CRYBG2: variants seen among roughly 807,000 people sequenced by gnomAD.
The protein encoded by CRYBG2 is beta/gamma crystallin domain-containing protein 2.
A neutral mutation model predicts 153.4 loss-of-function variants in CRYBG2; 106 were observed. The observed-to-expected ratio is 0.69, with a 90% CI of 0.59 to 0.81. CRYBG2 has a LOEUF of 0.81. CRYBG2 is among the 30% of genes least tolerant of loss of function. The pLI, the probability that CRYBG2 is intolerant of heterozygous loss-of-function variation, is 0.00. For synonymous variants in CRYBG2, 851 were observed against 877.8 expected, an observed-to-expected ratio of 0.97 and a Z score of 0.54; for missense variants, 1,996 against 2,112.0, an observed-to-expected ratio of 0.95 and a Z score of 1.08.
chr1:26,337,611 TG>T lies in CRYBG2; in HGVS notation c.3570del (p.Tyr1190Ter). On this transcript the variant is annotated frameshift_variant, in exon 9 of 20. Coordinates refer to ENST00000308182, the MANE Select transcript of CRYBG2 (RefSeq NM_001039775.4). LOFTEE classifies it high-confidence loss of function. ...TGGCTGTCCTCTGGCTGCTGAAGGT[TG>T]TAGATGTCTCGGCTCACTTCCCAGC... ...GRSWEVSRDI[Y>X]NLQQPEDSQS... 6.2e-7 allele frequency: 1 copy of T among 1,613,000 alleles called. No individual in the cohort carries two copies. Among genetic ancestry groups the T allele is most frequent in the Non-Finnish European group, 8.5e-7 (1 of 1,179,934 alleles).
chr1:26,328,837 C>T lies in CRYBG2; in HGVS notation c.4351G>A (p.Glu1451Lys), dbSNP rs758928498. 65 of 1,613,924 alleles carry T rather than the reference C, an allele frequency of 4.0e-5. No individual in the cohort carries two copies. The highest frequency in any genetic ancestry group is 2.5e-4 in the East Asian group (11 of 44,870). ...SEPSIFLYGL[E>K]CFEGKEIELS... ...TCGATCTCCTTCCCCTCGAAGCACT[C>T]GAGTCCATACAGGAAAATGGAAGGC... The change falls in exon 16 of 20, where the codon GAG (glutamate) becomes AAG (lysine). Residue 1451 changes from glutamate to lysine, a missense_variant. Coordinates refer to ENST00000308182, the MANE Select transcript of CRYBG2 (RefSeq NM_001039775.4).
intron 10 of CRYBG2, 126 bp from the exon 11 acceptor site, chr1:26,337,106 A>T (rs1005457987): frequency 6.4e-7 from 1 of 1,553,270 alleles, no homozygotes; most frequent in Admixed American, 1.8e-5. Flanking sequence ...CCTGGAGAAG[A>T]GCAGCAGGGG....
Position 26,345,807 on chromosome 1 carries a change from T to C in CRYBG2, c.851A>G (p.Glu284Gly). The change falls in exon 2 of 20, where the codon GAG (glutamate) becomes GGG (glycine). Residue 284 changes from glutamate to glycine, a missense_variant. Coordinates refer to ENST00000308182, the MANE Select transcript of CRYBG2 (RefSeq NM_001039775.4). ...GGCCAGGGCAGAGCTGTCTTTAAGC[T>C]CTGCTGTCCCGGTCTCAGGCAGCTG... ...LRQLPETGTAELKDSSALAST... is the reference protein window; with the variant it reads ...LRQLPETGTAGLKDSSALAST... 6.3e-7 allele frequency: 1 copy of C among 1,596,642 alleles called. No homozygotes were observed. Among genetic ancestry groups the C allele is most frequent in the Non-Finnish European group, 8.5e-7 (1 of 1,179,090 alleles).
At chr1:26,326,620 TA>T in intron 17 of CRYBG2, 1 of 217,292 alleles carries the variant, frequency 4.6e-6, no homozygotes, top group Non-Finnish European at 9.9e-6. Context: ...AGGACAAGGA[TA>T]AAGTTAAAAA....
intron 18 of CRYBG2, among the ~76,000 whole-genome samples, chr1:26,323,690 C>T (rs1456333270): frequency 6.6e-6 from 1 of 152,090 alleles, no homozygotes; most frequent in East Asian, 1.9e-4. Context: ...GCAATCCTCA[C>T]TCACTGCAGC....
chr1:26,342,544 C>T (rs956051150), intron 5 of CRYBG2, among the ~76,000 whole-genome samples: 3 of 152,120 alleles, frequency 2.0e-5, no homozygotes, highest in South Asian at 4.1e-4. Context: ...GGATTACAGG[C>T]GCATGCCAGC....
At position 26,345,256 on chromosome 1, in the gene CRYBG2, C is replaced by T. The variant is rs377547023; in HGVS notation, c.1402G>A (p.Gly468Ser). 13 of 1,595,404 alleles carry T rather than the reference C, an allele frequency of 8.1e-6. No homozygotes were observed. The highest frequency in any genetic ancestry group is 1.7e-4 in the Middle Eastern group (1 of 6,042). ...GTGGGAGATGAGGCAGCAGGAGCAC[C>T]GGGGCCCTTCACGACCTCCCTCTGG... is the stretch of plus-strand genomic sequence containing the variant. ...FTQREVVKGPGAPAASSPTRK... is the reference protein window; with the variant it reads ...FTQREVVKGPSAPAASSPTRK... The change falls in exon 2 of 20, where the codon GGT becomes AGT. Residue 468 changes from glycine (G) to serine (S), a missense_variant. Transcript: ENST00000308182.
Position 26,343,901 on chromosome 1 carries a change from C to A in CRYBG2, c.2757G>T (p.Glu919Asp). The change falls in exon 2 of 20, where the codon GAG (glutamate) becomes GAT (aspartate). Residue 919 changes from glutamate to aspartate, a missense_variant. Glu to Asp is a conservative substitution (Grantham distance 45, BLOSUM62 2). Coordinates refer to ENST00000308182, the MANE Select transcript of CRYBG2 (RefSeq NM_001039775.4). This position sits in a 1 kb window ranked among gnomAD's most constrained non-coding sequence, Gnocchi z 4.1. ...TGCCCAGCGGTTCCGGGGTGGAGGC[C>A]TCCTTGGCGGTAGGCACCAGACTGC... ...LFGSLVPTAK[E>D]ASTPEPLGTK... 3.9e-6 allele frequency: 6 copies of A among 1,531,664 alleles called. No homozygotes were observed. The highest frequency in any genetic ancestry group is 5.3e-6 in the Non-Finnish European group (6 of 1,137,908). 94.9% of individuals were successfully genotyped at this position (1,531,664 alleles called of 1,614,324 possible).
chr1:26,343,733 G>A lies in CRYBG2; in HGVS notation c.2913+12C>T. 6.9e-7 allele frequency: 1 copy of A among 1,443,598 alleles called. No individual in the cohort carries two copies. The highest frequency in any genetic ancestry group is 9.1e-7 in the Non-Finnish European group (1 of 1,095,894). The allele number at this position is 1,443,598 out of a possible 1,614,324, so 89.4% of individuals were successfully genotyped here. ...CCAGGCACCTCCCTTGCCCACCCGA[G>A]GCCTCACTTACCCACCCCTCCAGGG... On this transcript the variant is annotated intron_variant, in intron 2 of 19. Coordinates refer to ENST00000308182, the MANE Select transcript of CRYBG2 (RefSeq NM_001039775.4). The surrounding 1 kb of genome is among the most constrained non-coding windows in gnomAD (Gnocchi z 4.1).
At chr1:26,339,880 C>T (rs2074109797) in intron 5 of CRYBG2, among the ~76,000 whole-genome samples, 1 of 152,316 alleles carries the variant, frequency 6.6e-6, no homozygotes, top group East Asian at 1.9e-4. Context: ...AGGAAAGTGA[C>T]TAGGGTGGTC....
Position 26,344,541 on chromosome 1 carries a change from G to A in CRYBG2, c.2117C>T (p.Pro706Leu), listed in dbSNP as rs1479969032. The change falls in exon 2 of 20, where the codon CCT becomes CTT. Residue 706 changes from proline to leucine, a missense_variant. Coordinates refer to ENST00000308182, the MANE Select transcript of CRYBG2 (RefSeq NM_001039775.4). ...CCTGTCCACTGAGGAAGATGGGGCA[G>A]GGAGAGCATCAGGGTCCTGCACAAC... is the stretch of plus-strand genomic sequence containing the variant. ...KEVVQDPDAL[P>L]APSSSVDRVS... The A allele has an allele frequency of 2.6e-6, 4 of 1,545,374 alleles. No homozygotes were observed. In the African/African-American group the frequency reaches 4.1e-5, roughly 16 times the overall value.
At chr1:26,326,144 G>A (rs1358229979) in intron 17 of CRYBG2, among the ~76,000 whole-genome samples, 1 of 151,776 alleles carries the variant, frequency 6.6e-6, no homozygotes, top group South Asian at 2.1e-4. Flanking sequence ...CTCCCTCCTC[G>A]GCCTCCCAAA....
At chr1:26,335,504 A>C (rs1395224075) in intron 14 of CRYBG2, among the ~76,000 whole-genome samples, 1 of 151,460 alleles carries the variant, frequency 6.6e-6, no homozygotes, top group African/African-American at 2.4e-5. Flanking sequence ...TACAAAAAAA[A>C]CTACTGGGGT....
chr1:26,346,344 G>A lies in CRYBG2; in HGVS notation c.314C>T (p.Pro105Leu). The change falls in exon 2 of 20, where the codon CCC becomes CTC. Residue 105 changes from proline (P) to leucine (L), a missense_variant. Transcript: ENST00000308182. This position sits in a 1 kb window ranked among gnomAD's most constrained non-coding sequence, Gnocchi z 4.9. ...PIFSKKYIPPPKEKRPEGRLK... is the reference protein window; with the variant it reads ...PIFSKKYIPPLKEKRPEGRLK... ...CCTCCCCTCAGGCCTTTTCTCCTTG[G>A]GAGGTGGTATGTACTTCTTGGAAAA... 1 of 1,599,444 alleles carries A rather than the reference G, an allele frequency of 6.3e-7. No individual in the cohort carries two copies. Among genetic ancestry groups the A allele is most frequent in the South Asian group, 1.1e-5 (1 of 91,078 alleles).
intron 17 of CRYBG2, chr1:26,326,866 G>A: frequency 4.0e-6 from 2 of 503,742 alleles, no homozygotes; most frequent in Non-Finnish European, 3.9e-6. Flanking sequence ...ATGTTGTGAG[G>A]TCTAAAGTTC....
chr1:26,328,355 A>T, intron 16 of CRYBG2, 23 bp from the exon 17 acceptor site: 1 of 1,561,268 alleles, frequency 6.4e-7, no homozygotes, highest in Non-Finnish European at 8.7e-7. Flanking sequence ...GGTGTCAGGG[A>T]CACAGAGAAG....
chr1:26,340,322 A>G (rs976628261), intron 5 of CRYBG2, among the ~76,000 whole-genome samples: 1 of 152,186 alleles, frequency 6.6e-6, no homozygotes, highest in African/African-American at 2.4e-5. Flanking sequence ...TCATCCAGTC[A>G]CAGGTAAGGA....
chr1:26,324,163 G>A lies in CRYBG2; in HGVS notation c.4726C>T (p.Leu1576=), dbSNP rs748086243. ...SCIWYYEDGL[L]KNQMAPTMSL... Reference sequence around the variant, plus strand: ...CCCTGTATCAGTACCTGGTTCTTCAGCAGCCCATCCTCGTAGTACCAGATG... The same window carrying A: ...CCCTGTATCAGTACCTGGTTCTTCAACAGCCCATCCTCGTAGTACCAGATG... The change falls in exon 18 of 20, where the codon CTG becomes TTG. Residue 1576 remains leucine, a synonymous_variant. Transcript: ENST00000308182. 26 of 1,613,444 alleles carry A rather than the reference G, an allele frequency of 1.6e-5. No homozygotes were observed. In the South Asian group the frequency reaches 2.6e-4, roughly 16 times the overall value.
intron 15 of CRYBG2, 79 bp downstream of exon 15, chr1:26,331,410 A>T: frequency 1.3e-6 from 2 of 1,562,004 alleles, no homozygotes; most frequent in Non-Finnish European, 8.7e-7. Context: ...CTGCACCAGC[A>T]CACAGGTTCT....
Sources: gnomAD v4.1 joint callset for allele counts (sites outside exome capture counted in the v4.1 genomes callset) on GRCh38, gnomAD v4.1.1 for gene constraint, Gnocchi (gnomAD v3.1) non-coding constraint, MANE v1.5 for transcripts, NCBI Gene and HGNC (gene_info 2026-07-23, HGNC 2026-07-21) for gene names.